The following PPP1CB variants were observed in gnomAD, a reference collection of about 807,000 sequenced individuals.
PPP1CB encodes the protein protein phosphatase 1 catalytic subunit beta, also known as serine/threonine-protein phosphatase PP1-beta catalytic subunit.
A neutral mutation model predicts 43.7 loss-of-function variants in PPP1CB; 2 were observed. The observed-to-expected ratio is 0.05, with a 90% CI of 0.02 to 0.14. The LOEUF (loss-of-function observed/expected upper bound fraction) is 0.14, where lower values mean the gene tolerates loss of function less well. PPP1CB is among the 10% of genes least tolerant of loss of function. The probability of loss-of-function intolerance (pLI) is 1.00; values close to 1 mark genes in which losing one functional copy is unlikely to be tolerated. For synonymous variants in PPP1CB, 136 were observed against 135.6 expected (o/e 1.00, Z -0.02); for missense variants, 84 against 398.0 (o/e 0.21, Z 6.71).
chr2:28,766,582 A>G (rs1666780995), intron 1 of PPP1CB, among the ~76,000 whole-genome samples: 1 of 152,210 alleles, frequency 6.6e-6, no homozygotes, highest in South Asian at 2.1e-4. Context: ...GTTGTTCCAC[A>G]TAGATTATTT....
At chr2:28,798,811 ATAAAT>A (rs557411963) in intron 7 of PPP1CB, among the ~76,000 whole-genome samples, 61 of 152,170 alleles carry the variant, frequency 4.0e-4, no homozygotes, top group Middle Eastern at 3.4e-3. Context: ...TTATACATAA[ATAAAT>A]AAGGTCTGAA....
At chr2:28,772,594 G>A (rs544679940) in intron 1 of PPP1CB, among the ~76,000 whole-genome samples, 30 of 152,220 alleles carry the variant, frequency 2.0e-4, no homozygotes, top group African/African-American at 7.2e-4. Flanking sequence ...ATTTGTAATA[G>A]CCCCAAACTG....
intron 1 of PPP1CB, among the ~76,000 whole-genome samples, chr2:28,775,326 C>T (rs766192776): frequency 3.3e-5 from 5 of 152,152 alleles, no homozygotes; most frequent in Admixed American, 6.5e-5. Flanking sequence ...CCAGGGCGAT[C>T]TTGCGCTCCT....
intron 4 of PPP1CB, among the ~76,000 whole-genome samples, chr2:28,783,035 C>T (rs1433626921): frequency 6.6e-6 from 1 of 152,172 alleles, no homozygotes; most frequent in Non-Finnish European, 1.5e-5. Context: ...TGTGATGATA[C>T]TTGGATTGCC....
At position 28,799,339 on chromosome 2, in the gene PPP1CB, TA is replaced by T; in HGVS notation, c.*38del. On this transcript the variant is annotated 3_prime_UTR_variant, in exon 8 of 8. Transcript: ENST00000395366. ...TCTGTAAAGAAACCATCAGATTTGT[TA>T]AGGACATACTTCATAATATATAAGT... 1 of 1,495,028 alleles carries T rather than the reference TA, an allele frequency of 6.7e-7. No individual in the cohort carries two copies. The highest frequency in any genetic ancestry group is 1.1e-5 in the South Asian group (1 of 88,196). The allele number at this position is 1,495,028 out of a possible 1,614,324, so 92.6% of individuals were successfully genotyped here. A position where few individuals can be genotyped will look rare whatever the true frequency, so the allele number is the denominator to read the frequency against.
intron 7 of PPP1CB, 137 bp downstream of exon 7, chr2:28,794,134 A>G: frequency 1.5e-6 from 1 of 671,458 alleles, no homozygotes; most frequent in Non-Finnish European, 2.4e-6. Flanking sequence ...ACTCAAACTC[A>G]TTAGATATTT....
Position 28,778,978 on chromosome 2 carries a change from T to C in PPP1CB, c.354T>C (p.Phe118=). 2.5e-6 allele frequency: 4 copies of C among 1,612,526 alleles called. No individual in the cohort carries two copies. Among genetic ancestry groups the C allele is most frequent in the Non-Finnish European group, 3.4e-6 (4 of 1,178,588 alleles). ...AAATCAAATATCCAGAGAACTTCTT[T>C]CTCTTAAGAGGAAACCATGAGTGTG... ...AYKIKYPENF[F]LLRGNHECAS... Residue 118 remains phenylalanine, a synonymous_variant, in exon 3 of 8, where the codon TTT becomes TTC. Transcript: ENST00000395366.
chr2:28,797,095 T>C (rs1667511128), intron 7 of PPP1CB, among the ~76,000 whole-genome samples: 1 of 152,164 alleles, frequency 6.6e-6, no homozygotes, highest in East Asian at 1.9e-4. Context: ...TTGCATATGT[T>C]GAAACCTTGC....
intron 1 of PPP1CB, among the ~76,000 whole-genome samples, chr2:28,765,753 TA>T (rs1470175837): frequency 7.2e-5 from 11 of 152,090 alleles, no homozygotes; most frequent in Admixed American, 7.2e-4. Context: ...CTTGTCTTTA[TA>T]GAAAATTAAA....
At chr2:28,795,270 A>T (rs1458386823) in intron 7 of PPP1CB, among the ~76,000 whole-genome samples, 1 of 152,160 alleles carries the variant, frequency 6.6e-6, no homozygotes, top group Non-Finnish European at 1.5e-5. Flanking sequence ...GGTTGATTAC[A>T]TGTCTTTGCT....
chr2:28,778,751 A>G, intron 2 of PPP1CB, 58 bp from the exon 3 acceptor site: 3 of 1,088,324 alleles, frequency 2.8e-6, no homozygotes, highest in South Asian at 1.3e-5. Context: ...GAATCATTTC[A>G]TAGAAGCTGC....
At chr2:28,797,741 C>CT (rs1303976482) in intron 7 of PPP1CB, among the ~76,000 whole-genome samples, 6 of 152,072 alleles carry the variant, frequency 3.9e-5, no homozygotes, top group Non-Finnish European at 7.4e-5. Flanking sequence ...AGCTAGCAGT[C>CT]TATCTTGTTT....
chr2:28,800,020 T>C lies in PPP1CB; in HGVS notation c.*717T>C, dbSNP rs1667576671. On this transcript the variant is annotated 3_prime_UTR_variant, in exon 8 of 8. Transcript: ENST00000395366. Reference sequence around the variant, plus strand: ...AGGAATTGACACTGATTTGGATTTGTGCACTCTAATTTTTAACTTATTGAT... The same window carrying C: ...AGGAATTGACACTGATTTGGATTTGCGCACTCTAATTTTTAACTTATTGAT... 6.6e-6 allele frequency: 1 copy of C among 152,510 alleles called. No individual in the cohort carries two copies. The highest frequency in any genetic ancestry group is 1.5e-5 in the Non-Finnish European group (1 of 67,956). The allele number at this position is 152,510 out of a possible 1,614,324, so 9.4% of individuals were successfully genotyped here. A position where few individuals can be genotyped will look rare whatever the true frequency, so the allele number is the denominator to read the frequency against.
intron 1 of PPP1CB, among the ~76,000 whole-genome samples, chr2:28,772,471 C>T (rs1666935349): frequency 6.6e-6 from 1 of 152,082 alleles, no homozygotes; most frequent in Admixed American, 6.6e-5. Flanking sequence ...ATTGGTATAG[C>T]CACTTTGGGA....
intron 1 of PPP1CB, among the ~76,000 whole-genome samples, chr2:28,753,727 TA>T (rs1283133049): frequency 1.3e-5 from 2 of 152,188 alleles, no homozygotes; most frequent in East Asian, 1.9e-4. Context: ...TACTCCTTTT[TA>T]TTTTTTTTTT....
At chr2:28,753,890 A>G (rs976844539) in intron 1 of PPP1CB, among the ~76,000 whole-genome samples, 2 of 151,986 alleles carry the variant, frequency 1.3e-5, no homozygotes, top group East Asian at 3.9e-4. Flanking sequence ...CCCCGCCATC[A>G]TGCCCGGCTA....
Position 28,783,793 on chromosome 2 carries a change from G to T in PPP1CB, c.521-114G>T, listed in dbSNP as rs1667205968. 4 of 686,164 alleles carry T rather than the reference G, an allele frequency of 5.8e-6. No homozygotes were observed. In the East Asian group the frequency reaches 8.5e-5, roughly 15 times the overall value. 42.5% of individuals were successfully genotyped at this position (686,164 alleles called of 1,614,324 possible). On this transcript the variant is annotated intron_variant, in intron 4 of 7. Transcript: ENST00000395366. ...AAGACGTTAAAAGGAACACTTTTCA[G>T]TATCTTTAATTTCACATAGTGAATC... is the stretch of plus-strand genomic sequence containing the variant.
Position 28,762,736 on chromosome 2 carries a change from C to T in PPP1CB, c.52+10560C>T, listed in dbSNP as rs187489317. Among the ~76,000 whole-genome samples the T allele has an allele frequency of 4.5e-3, 686 of 152,246 alleles. 4 individuals carry two copies. Among genetic ancestry groups the T allele is most frequent in the Non-Finnish European group, 6.3e-3 (431 of 68,010 alleles). Reference sequence around the variant, plus strand: ...GGATCTTACACATGACTTTATAATACGCGTTGTTCATTTGGATAATATTGA... The same window carrying T: ...GGATCTTACACATGACTTTATAATATGCGTTGTTCATTTGGATAATATTGA... On this transcript the variant is annotated intron_variant, in intron 1 of 7. Coordinates refer to ENST00000395366, the MANE Select transcript of PPP1CB (RefSeq NM_002709.3).
chr2:28,757,131 A>T (rs1342480833), intron 1 of PPP1CB, among the ~76,000 whole-genome samples: 2 of 152,186 alleles, frequency 1.3e-5, no homozygotes, highest in African/African-American at 4.8e-5. Flanking sequence ...TGCAAGTGAA[A>T]TCATACAATA....
Sources: allele counts gnomAD v4.1 joint callset (sites outside exome capture counted in the v4.1 genomes callset), GRCh38; gene constraint gnomAD v4.1.1; transcripts MANE v1.5; gene names NCBI Gene and HGNC (gene_info 2026-07-23, HGNC 2026-07-21).